The following MTCH1 variants were observed in gnomAD, a reference collection of about 807,000 sequenced individuals.
The protein encoded by MTCH1 is mitochondrial carrier homolog 1.
In MTCH1, 23 loss-of-function variants were observed where a neutral mutation model predicts 49.3. The observed-to-expected ratio is 0.47, with a 90% CI of 0.34 to 0.66. The LOEUF (loss-of-function observed/expected upper bound fraction) is 0.66. Among genes scored for constraint, MTCH1 ranks in the 30% least tolerant of loss-of-function variants. The probability of loss-of-function intolerance (pLI) is 0.01; values close to 1 mark genes in which losing one functional copy is unlikely to be tolerated. For missense variants in MTCH1, 397 were observed against 532.1 expected (o/e 0.75, Z 2.50); for synonymous variants, 229 against 215.2 (o/e 1.06, Z -0.56).
intron 2 of MTCH1, among the ~76,000 whole-genome samples, chr6:36,981,173 G>GA (rs1015494859): frequency 6.6e-6 from 1 of 152,056 alleles, no homozygotes; most frequent in Non-Finnish European, 1.5e-5. Flanking sequence ...TGGGATAAAA[G>GA]AAAAAAACTC....
chr6:36,984,891 T>G (rs1228176913), intron 1 of MTCH1, among the ~76,000 whole-genome samples: 3 of 152,040 alleles, frequency 2.0e-5, no homozygotes, highest in African/African-American at 7.3e-5. Flanking sequence ...ATTTCAATAC[T>G]CCCGTGCCCC....
intron 2 of MTCH1, 76 bp downstream of exon 2, chr6:36,981,512 G>T: frequency 5.0e-6 from 7 of 1,402,126 alleles, no homozygotes; most frequent in Non-Finnish European, 6.9e-6. Context: ...AGTTCCCCGG[G>T]GCCAGCTGGT....
Position 36,977,376 on chromosome 6 carries a change from A to G in MTCH1, c.650-126T>C. 1.0e-6 allele frequency: 1 copy of G among 995,096 alleles called. No individual in the cohort carries two copies. The allele number at this position is 995,096 out of a possible 1,614,324, so 61.6% of individuals were successfully genotyped here. A position where few individuals can be genotyped will look rare whatever the true frequency, so the allele number is the denominator to read the frequency against. On this transcript the variant is annotated intron_variant, in intron 5 of 11. Transcript: ENST00000373627. The surrounding 1 kb of genome is among the most constrained non-coding windows in gnomAD (Gnocchi z 5.4). ...TGGCCTATTCAGAGAGCAGGAGAGG[A>G]AGAGGGCCTTTCGGATTCCCTGTTA...
Position 36,969,624 on chromosome 6 carries a change from G to A in MTCH1, c.1098+415C>T, listed in dbSNP as rs1388435790. The A allele has an allele frequency of 5.9e-6, 7 of 1,188,888 alleles. No individual in the cohort carries two copies. In the East Asian group the frequency reaches 2.9e-4, roughly 49 times the overall value. The allele number at this position is 1,188,888 out of a possible 1,614,324, so 73.6% of individuals were successfully genotyped here. On this transcript the variant is annotated intron_variant, in intron 11 of 11. Transcript: ENST00000373627. ...GCCCAGGAATGTCCTGCAGGAGGGA[G>A]GAGTCGGTTTCCAATGCCAGCCGCC...
chr6:36,970,575 C>G (rs1763648679), intron 9 of MTCH1, 72 bp downstream of exon 9: 1 of 1,608,274 alleles, frequency 6.2e-7, no homozygotes, highest in East Asian at 2.2e-5. Flanking sequence ...CCAGCCATTA[C>G]CAGGGTTGGC....
chr6:36,975,585 C>A, intron 7 of MTCH1, 73 bp downstream of exon 7: 1 of 1,465,928 alleles, frequency 6.8e-7, no homozygotes, highest in South Asian at 1.1e-5. Flanking sequence ...CAGCTGCGGT[C>A]TGAGAGGTTG....
intron 2 of MTCH1, among the ~76,000 whole-genome samples, chr6:36,980,586 G>A (rs535445296): frequency 2.6e-5 from 4 of 152,214 alleles, no homozygotes; most frequent in East Asian, 1.9e-4. Flanking sequence ...GACAAAACTG[G>A]AAGAGAAATA....
rs754253049 is a variant in MTCH1, at chr6:36,968,831, G to C, written c.*72C>G. 4.4e-6 allele frequency: 7 copies of C among 1,606,854 alleles called. No individual in the cohort carries two copies. In the African/African-American group the frequency reaches 9.4e-5, roughly 21 times the overall value. On this transcript the variant is annotated 3_prime_UTR_variant, in exon 12 of 12. Coordinates refer to ENST00000373627, the MANE Select transcript of MTCH1 (RefSeq NM_001271641.2). Reference sequence around the variant, plus strand: ...GTTGTTGTTGGGTTGGAGTCGTCTTGCAGGTGTCCCAAGGTGGTCAGGCCT... The same window carrying C: ...GTTGTTGTTGGGTTGGAGTCGTCTTCCAGGTGTCCCAAGGTGGTCAGGCCT...
chr6:36,969,216 G>A (rs1448436483), intron 11 of MTCH1: 1 of 985,410 alleles, frequency 1.0e-6, no homozygotes. Context: ...TAGAGAGGAG[G>A]CTCATTGCCC....
rs988834267 is a variant in MTCH1, at chr6:36,978,624, A to C, written c.407-13T>G. The stretch of plus-strand genomic sequence containing the variant: ...ACGATGTACTTGGCTGTAAGAAAAC[A>C]GAGGTGGCAGAGGAGTCACACCCAG... On this transcript the variant is annotated splice_polypyrimidine_tract_variant and intron_variant, in intron 2 of 11. Transcript: ENST00000373627. The C allele has an allele frequency of 1.3e-5, 21 of 1,611,690 alleles. No individual in the cohort carries two copies. In the Admixed American group the frequency reaches 3.2e-4, roughly 24 times the overall value.
At chr6:36,975,797 A>C in intron 6 of MTCH1, 80 bp from the exon 7 acceptor site, 1 of 1,326,932 alleles carries the variant, frequency 7.5e-7, no homozygotes, top group African/African-American at 1.5e-5. Flanking sequence ...GGCTGAGCCC[A>C]CCAGTTCTGC....
chr6:36,986,226 A>G (rs549468287), upstream of MTCH1: 52 of 1,370,668 alleles, frequency 3.8e-5, 1 homozygote, highest in Admixed American at 1.6e-3. Context: ...ACGCCCCCTC[A>G]CCGGCGTCAG....
chr6:36,969,701 C>G (rs777240313), intron 11 of MTCH1: 16 of 1,220,248 alleles, frequency 1.3e-5, no homozygotes, highest in Non-Finnish European at 1.7e-5. Flanking sequence ...AATTTTCAGC[C>G]CATGTTACTT....
chr6:36,970,548 T>C (rs1167001369), intron 9 of MTCH1, 75 bp from the exon 10 acceptor site: 1 of 1,607,144 alleles, frequency 6.2e-7, no homozygotes, highest in African/African-American at 1.3e-5. Flanking sequence ...GCCAACACCC[T>C]GTACCAAGAC....
At chr6:36,975,429 T>C (rs1763838186) in intron 7 of MTCH1, among the ~76,000 whole-genome samples, 1 of 152,114 alleles carries the variant, frequency 6.6e-6, no homozygotes, top group Non-Finnish European at 1.5e-5. Flanking sequence ...TCAGTTCATC[T>C]CCCCCATGTA....
rs1241060376 is a variant in MTCH1 at position 36,982,500 on chromosome 6, AC to A, written c.322-829del. 6.6e-6 allele frequency among the ~76,000 whole-genome samples: 1 copy of A among 151,572 alleles called. No homozygotes were observed. The highest frequency in any genetic ancestry group is 1.5e-5 in the Non-Finnish European group (1 of 67,906). Reference sequence around the variant, plus strand: ...CCTCCCGGGTTCAAGTGATTCTCCTACCCCAGCCTCCCAAGTAGCTGGGAAT... The same window carrying A: ...CCTCCCGGGTTCAAGTGATTCTCCTACCCAGCCTCCCAAGTAGCTGGGAAT... On this transcript the variant is annotated intron_variant, in intron 1 of 11. Coordinates refer to ENST00000373627, the MANE Select transcript of MTCH1 (RefSeq NM_001271641.2). This position sits in a 1 kb window ranked among gnomAD's most constrained non-coding sequence, Gnocchi z 4.1.
At chr6:36,984,716 T>A in intron 1 of MTCH1, among the ~76,000 whole-genome samples, 1 of 151,908 alleles carries the variant, frequency 6.6e-6, no homozygotes, top group Non-Finnish European at 1.5e-5. Context: ...TCATTCCAGC[T>A]CACTCCTCAA....
intron 3 of MTCH1, 57 bp downstream of exon 3, chr6:36,978,448 G>A (rs1159399848): frequency 6.5e-7 from 1 of 1,537,542 alleles, no homozygotes; most frequent in East Asian, 2.3e-5. Context: ...TGCTGCAGGG[G>A]TGGCTGGGAG....
rs1056365577 is a variant in MTCH1, at chr6:36,969,814, C to T, written c.1098+225G>A. On this transcript the variant is annotated intron_variant, in intron 11 of 11. Transcript: ENST00000373627. ...AGACTCAAAGAAGAAAAGGTCTTGT[C>T]TGATGTATAATCTTAAAATAAACCC... 3.4e-6 allele frequency: 5 copies of T among 1,491,900 alleles called. No individual in the cohort carries two copies. In the African/African-American group the frequency reaches 7.0e-5, roughly 21 times the overall value. The allele number at this position is 1,491,900 out of a possible 1,614,324, so 92.4% of individuals were successfully genotyped here. A position where few individuals can be genotyped will look rare whatever the true frequency, so the allele number is the denominator to read the frequency against.
Sources: gnomAD v4.1 joint callset for allele counts (sites outside exome capture counted in the v4.1 genomes callset) on GRCh38, gnomAD v4.1.1 for gene constraint, Gnocchi (gnomAD v3.1) non-coding constraint, MANE v1.5 for transcripts, NCBI Gene and HGNC (gene_info 2026-07-23, HGNC 2026-07-21) for gene names.